SLC66A2: variants seen among roughly 807,000 people sequenced by gnomAD.
SLC66A2 encodes the protein PQ loop repeat containing 1.
SLC66A2 carries 23 observed loss-of-function variants against 25.5 expected under a neutral mutation model. That is an observed-to-expected ratio of 0.90 (90% CI 0.65 to 1.28). The LOEUF (loss-of-function observed/expected upper bound fraction) is 1.28, where lower values mean the gene tolerates loss of function less well. Ranked by LOEUF, SLC66A2 falls within the 50% of genes most tolerant of loss-of-function variation. SLC66A2 has a pLI of 0.00. For missense variants in SLC66A2, 396 were observed against 373.1 expected (o/e 1.06, Z -0.51); for synonymous variants, 193 against 166.5 (o/e 1.16, Z -1.23).
chr18:79,937,457 C>T lies in SLC66A2; in HGVS notation c.338-3435G>A, dbSNP rs1189151093. Among the ~76,000 whole-genome samples, 1 of 152,186 alleles carries T rather than the reference C, an allele frequency of 6.6e-6. No homozygotes were observed. Among genetic ancestry groups the T allele is most frequent in the Non-Finnish European group, 1.5e-5 (1 of 68,032 alleles). On this transcript the variant is annotated intron_variant, in intron 3 of 5. Transcript: ENST00000397778. The surrounding 1 kb of genome is among the most constrained non-coding windows in gnomAD (Gnocchi z 5.4). The stretch of plus-strand genomic sequence containing the variant: ...ACTCAGAAACATGCACTCATCATTG[C>T]AAGATGCTAGGGAACCAACTTTGAA...
intron 3 of SLC66A2, among the ~76,000 whole-genome samples, chr18:79,938,342 C>T (rs967658786): frequency 6.6e-6 from 1 of 152,268 alleles, no homozygotes; most frequent in African/African-American, 2.4e-5. Context: ...TCACTCCCAA[C>T]CGCAGTCAGC....
rs900159037 is a variant in SLC66A2, at chr18:79,940,726, G to A, written c.337+2603C>T. Among the ~76,000 whole-genome samples the A allele has an allele frequency of 6.6e-6, 1 of 152,158 alleles. No individual in the cohort carries two copies. Among genetic ancestry groups the A allele is most frequent in the Non-Finnish European group, 1.5e-5 (1 of 68,018 alleles). On this transcript the variant is annotated intron_variant, in intron 3 of 5. Transcript: ENST00000397778. The surrounding 1 kb of genome is among the most constrained non-coding windows in gnomAD (Gnocchi z 4.1). Reference sequence around the variant, plus strand: ...CCCACACCTTTCATCAAGACGCCCTGCAGGAACAGGCCTGGCCCATCCACC... The same window carrying A: ...CCCACACCTTTCATCAAGACGCCCTACAGGAACAGGCCTGGCCCATCCACC...
chr18:79,908,431 G>A (rs1982452603), intron 5 of SLC66A2, among the ~76,000 whole-genome samples: 1 of 151,940 alleles, frequency 6.6e-6, no homozygotes, highest in Admixed American at 6.6e-5. Context: ...GAAACCCATA[G>A]TAATTTGGAT....
chr18:79,911,915 G>A (rs112988732), intron 5 of SLC66A2, among the ~76,000 whole-genome samples: 1,816 of 124,016 alleles, frequency 0.015, 1 homozygote, highest in Admixed American at 0.017. Context: ...AGGAGTGGGG[G>A]GGACGGGAGC....
In SLC66A2 at chr18:79,902,554, A is replaced by G. The variant is rs1981357188; in HGVS notation, c.*1422T>C. 6.6e-6 allele frequency: 1 copy of G among 152,286 alleles called. No individual in the cohort carries two copies. Among genetic ancestry groups the G allele is most frequent in the Non-Finnish European group, 1.5e-5 (1 of 68,050 alleles). 9.4% of individuals were successfully genotyped at this position (152,286 alleles called of 1,614,324 possible). ...ACATCTTGCTTCATCTTAAAAAAAT[A>G]AAAATTTTCAAAGCATCTCACAGGC... On this transcript the variant is annotated 3_prime_UTR_variant, in exon 6 of 6. Coordinates refer to ENST00000397778, the MANE Select transcript of SLC66A2 (RefSeq NM_025078.5).
Position 79,918,366 on chromosome 18 carries a change from T to C in SLC66A2, c.608+818A>G, listed in dbSNP as rs990560761. Among the ~76,000 whole-genome samples, 9 of 149,508 alleles carry C rather than the reference T, an allele frequency of 6.0e-5. No homozygotes were observed. Among genetic ancestry groups the C allele is most frequent in the Admixed American group, 2.7e-4 (4 of 15,018 alleles). On this transcript the variant is annotated intron_variant, in intron 5 of 5. Coordinates refer to ENST00000397778, the MANE Select transcript of SLC66A2 (RefSeq NM_025078.5). This position sits in a 1 kb window ranked among gnomAD's most constrained non-coding sequence, Gnocchi z 4.0. ...TCAAGCAACGTGTGGGGGCTCAGGG[T>C]GTTCTCCGTGAGGAGCGGGCACCGG... is the stretch of plus-strand genomic sequence containing the variant.
At chr18:79,908,604 T>C (rs1982479061) in intron 5 of SLC66A2, among the ~76,000 whole-genome samples, 1 of 152,212 alleles carries the variant, frequency 6.6e-6, no homozygotes, top group South Asian at 2.1e-4. Context: ...CTATTTTTCC[T>C]CTGTGTCACA....
intron 3 of SLC66A2, among the ~76,000 whole-genome samples, chr18:79,942,967 G>A (rs139613590): frequency 5.3e-5 from 8 of 152,244 alleles, no homozygotes; most frequent in African/African-American, 1.4e-4. Flanking sequence ...TACAGGCCAC[G>A]CACACAGACG....
rs555908463 is a variant in SLC66A2, at chr18:79,928,009, G to A, written c.391+5960C>T. ...CCCCTTTACCCTAACTGACATCTCC[G>A]GGCCCCTCATTTGCTCAGAGTCTGC... On this transcript the variant is annotated intron_variant, in intron 4 of 5. Coordinates refer to ENST00000397778, the MANE Select transcript of SLC66A2 (RefSeq NM_025078.5). 7.9e-5 allele frequency among the ~76,000 whole-genome samples: 12 copies of A among 152,196 alleles called. No individual in the cohort carries two copies. In the South Asian group the frequency reaches 1.5e-3, roughly 18 times the overall value.
Position 79,902,745 on chromosome 18 carries a change from T to TGGAG in SLC66A2, c.*1227_*1230dup, listed in dbSNP as rs1210770802. On this transcript the variant is annotated 3_prime_UTR_variant, in exon 6 of 6. Coordinates refer to ENST00000397778, the MANE Select transcript of SLC66A2 (RefSeq NM_025078.5). ...CTGCGGAAGGGAAGACGATGCCTGT[T>TGGAG]GGAGCCGCACGGAAGCATCCAGAAC... 1 of 152,366 alleles carries TGGAG rather than the reference T, an allele frequency of 6.6e-6. No individual in the cohort carries two copies. The highest frequency in any genetic ancestry group is 1.5e-5 in the Non-Finnish European group (1 of 68,148). The allele number at this position is 152,366 out of a possible 1,614,324, so 9.4% of individuals were successfully genotyped here. A position where few individuals can be genotyped will look rare whatever the true frequency, so the allele number is the denominator to read the frequency against.
At chr18:79,924,133 G>A (rs1339100287) in intron 4 of SLC66A2, among the ~76,000 whole-genome samples, 6 of 152,148 alleles carry the variant, frequency 3.9e-5, no homozygotes, top group Non-Finnish European at 8.8e-5. Flanking sequence ...AGAGGCTCCC[G>A]AGGATGGCAG....
chr18:79,951,311 G>C (rs924204424), intron 1 of SLC66A2, among the ~76,000 whole-genome samples: 1 of 151,684 alleles, frequency 6.6e-6, no homozygotes, highest in Non-Finnish European at 1.5e-5. Flanking sequence ...CGCGCGCCCC[G>C]GGATGGGGTG....
At position 79,903,784 on chromosome 18, in the gene SLC66A2, A is replaced by T. The variant is rs1981585347; in HGVS notation, c.*192T>A. 1.8e-6 allele frequency: 1 copy of T among 561,332 alleles called. No individual in the cohort carries two copies. The highest frequency in any genetic ancestry group is 3.1e-6 in the Non-Finnish European group (1 of 323,238). The allele number at this position is 561,332 out of a possible 1,614,324, so 34.8% of individuals were successfully genotyped here. A position where few individuals can be genotyped will look rare whatever the true frequency, so the allele number is the denominator to read the frequency against. On this transcript the variant is annotated 3_prime_UTR_variant, in exon 6 of 6. Transcript: ENST00000397778. ...AGATCAACCCTGGCTGTCCCCGCTG[A>T]GCACAAACAGCGTCCCAGCCCCACC...
intron 4 of SLC66A2, among the ~76,000 whole-genome samples, chr18:79,932,661 G>A (rs1359080443): frequency 6.6e-6 from 1 of 151,886 alleles, no homozygotes; most frequent in Non-Finnish European, 1.5e-5. Flanking sequence ...GAAATACAAA[G>A]GATTATAAGG....
At chr18:79,943,203 G>C in intron 3 of SLC66A2, 126 bp downstream of exon 3, 1 of 1,177,248 alleles carries the variant, frequency 8.5e-7, no homozygotes, top group South Asian at 1.6e-5. Context: ...ATCAGCTGGA[G>C]ATAACAGCAC....
At chr18:79,944,209 G>C (rs937604196) in intron 2 of SLC66A2, 1 of 153,160 alleles carries the variant, frequency 6.5e-6, no homozygotes, top group Admixed American at 6.5e-5. Context: ...TGCAGCCTCC[G>C]GGTTGCCACC....
chr18:79,918,708 C>T lies in SLC66A2; in HGVS notation c.608+476G>A, dbSNP rs898947701. 6.6e-6 allele frequency among the ~76,000 whole-genome samples: 1 copy of T among 152,244 alleles called. No individual in the cohort carries two copies. Among genetic ancestry groups the T allele is most frequent in the South Asian group, 2.1e-4 (1 of 4,834 alleles). On this transcript the variant is annotated intron_variant, in intron 5 of 5. Coordinates refer to ENST00000397778, the MANE Select transcript of SLC66A2 (RefSeq NM_025078.5). The surrounding 1 kb of genome is among the most constrained non-coding windows in gnomAD (Gnocchi z 4.0). Reference sequence around the variant, plus strand: ...GGCGCCCAGGCATGGTCTGTGGTTCCGAACGTCAGCCTGCCCAGCCTTCTA... The same window carrying T: ...GGCGCCCAGGCATGGTCTGTGGTTCTGAACGTCAGCCTGCCCAGCCTTCTA...
intron 4 of SLC66A2, among the ~76,000 whole-genome samples, chr18:79,924,512 C>T (rs1046686366): frequency 7.9e-5 from 12 of 152,208 alleles, no homozygotes; most frequent in South Asian, 4.1e-4. Context: ...TGGTGATGGC[C>T]GCACAACTCT....
At chr18:79,949,632 C>G (rs1369734945) in intron 2 of SLC66A2, 3 of 152,432 alleles carry the variant, frequency 2.0e-5, no homozygotes, top group Non-Finnish European at 2.9e-5. Context: ...CCACTGCACT[C>G]CAGCCTGGCG....
Sources: gnomAD v4.1 joint callset for allele counts (sites outside exome capture counted in the v4.1 genomes callset) on GRCh38, gnomAD v4.1.1 for gene constraint, Gnocchi (gnomAD v3.1) non-coding constraint, MANE v1.5 for transcripts, NCBI Gene and HGNC (gene_info 2026-07-23, HGNC 2026-07-21) for gene names.